Variants in LOC112694756 observed in about 807,000 individuals in gnomAD.
the LOC112694756 span, among the ~76,000 whole-genome samples, chr16:30,054,245 G>A: frequency 6.6e-6 from 1 of 151,306 alleles, no homozygotes; most frequent in African/African-American, 2.4e-5. Flanking sequence ...GCTTGAACCC[G>A]GGTGGCAGAG....
chr16:30,067,906 C>G, the LOC112694756 span: 1 of 565,192 alleles, frequency 1.8e-6, no homozygotes, highest in South Asian at 2.0e-5. Context: ...GAGTAAGTGG[C>G]AGAGCCCCAG....
At chr16:30,066,850 C>A in the LOC112694756 span, 7 of 1,533,880 alleles carry the variant, frequency 4.6e-6, no homozygotes, top group Admixed American at 2.0e-5. Flanking sequence ...ACGATCTTTA[C>A]ATTCTAAAAT....
the LOC112694756 span, chr16:30,066,091 A>G: frequency 6.6e-6 from 1 of 152,626 alleles, no homozygotes. Flanking sequence ...GAGGTCCTCT[A>G]ACTGCGCAAT....
the LOC112694756 span, among the ~76,000 whole-genome samples, chr16:30,057,832 G>A: frequency 4.7e-4 from 71 of 152,190 alleles, 1 homozygote; most frequent in African/African-American, 1.7e-3. Context: ...TGGAAAGGCT[G>A]AGGCAGGAGA....
chr16:30,068,428 A>G, the LOC112694756 span: 1 of 628,826 alleles, frequency 1.6e-6, no homozygotes, highest in Non-Finnish European at 2.9e-6. Flanking sequence ...ATGCAGTTTA[A>G]GGGATTAAGT....
chr16:30,067,112 C>T, the LOC112694756 span: 3 of 1,572,058 alleles, frequency 1.9e-6, no homozygotes, highest in Non-Finnish European at 2.6e-6. Flanking sequence ...CCAGGGCCTG[C>T]TGGGTGTGGG....
chr16:30,070,371 A>C, the LOC112694756 span: 1 of 681,836 alleles, frequency 1.5e-6, no homozygotes, highest in Non-Finnish European at 2.6e-6. Context: ...TAAGTCCATC[A>C]CCCTTTCCGG....
At chr16:30,061,400 T>C in the LOC112694756 span, among the ~76,000 whole-genome samples, 1 of 152,226 alleles carries the variant, frequency 6.6e-6, no homozygotes, top group East Asian at 1.9e-4. Flanking sequence ...GTGGAGAATA[T>C]GGGATGAGCT....
the LOC112694756 span, chr16:30,069,723 A>T: frequency 1.9e-6 from 3 of 1,611,912 alleles, no homozygotes; most frequent in Non-Finnish European, 2.5e-6. Context: ...AGCTCCACCC[A>T]CAACCCTATG....
chr16:30,061,550 T>TC, the LOC112694756 span, among the ~76,000 whole-genome samples: 1 of 122,956 alleles, frequency 8.1e-6, no homozygotes, highest in Non-Finnish European at 1.8e-5. Flanking sequence ...TCCATTTCCT[T>TC]TTTTTTTTTT....
the LOC112694756 span, chr16:30,067,124 C>T: frequency 1.3e-6 from 2 of 1,576,426 alleles, no homozygotes; most frequent in Middle Eastern, 1.7e-4. Context: ...GGGTGTGGGG[C>T]AGGGGAGGTA....
At chr16:30,055,482 C>G in the LOC112694756 span, among the ~76,000 whole-genome samples, 1 of 152,286 alleles carries the variant, frequency 6.6e-6, no homozygotes, top group East Asian at 1.9e-4. Context: ...TAAAAACAAC[C>G]TATCAGATAA....
chr16:30,069,555 C>T, the LOC112694756 span: 1 of 1,614,134 alleles, frequency 6.2e-7, no homozygotes. Flanking sequence ...TGGAAGGCAC[C>T]TTGCTGAAGC....
chr16:30,056,937 T>A, the LOC112694756 span, among the ~76,000 whole-genome samples: 1 of 127,470 alleles, frequency 7.8e-6, no homozygotes, highest in African/African-American at 3.1e-5. Flanking sequence ...TTGAGACGAG[T>A]CTTGCTCTTG....
chr16:30,070,245 C>G, the LOC112694756 span: 25 of 1,605,808 alleles, frequency 1.6e-5, no homozygotes. Context: ...CCCAACACTC[C>G]AGGCCCTGCC....
At chr16:30,065,259 G>C in the LOC112694756 span, among the ~76,000 whole-genome samples, 2 of 152,202 alleles carry the variant, frequency 1.3e-5, no homozygotes, top group Non-Finnish European at 2.9e-5. Flanking sequence ...TGTCGGCTCC[G>C]CGCCGATTCA....
the LOC112694756 span, chr16:30,068,802 C>G: frequency 1.9e-6 from 3 of 1,614,214 alleles, no homozygotes; most frequent in East Asian, 2.2e-5. Flanking sequence ...GCTCTGACCC[C>G]TTCCTCTTCT....
At chr16:30,060,708 A>C in the LOC112694756 span, among the ~76,000 whole-genome samples, 3 of 152,098 alleles carry the variant, frequency 2.0e-5, no homozygotes, top group African/African-American at 7.2e-5. Flanking sequence ...TGGTCCTTCA[A>C]AAGCCCGCAG....
chr16:30,063,779 T>G, the LOC112694756 span: 1 of 399,262 alleles, frequency 2.5e-6, no homozygotes, highest in Non-Finnish European at 4.4e-6. Context: ...ACTGTGCCTG[T>G]ACGTGCCAGC....
Sources: allele counts gnomAD v4.1 joint callset (sites outside exome capture counted in the v4.1 genomes callset), GRCh38; gene constraint gnomAD v4.1.1; transcripts MANE v1.5.